Variants in TBXAS1 observed in about 807,000 individuals in gnomAD.
TBXAS1 encodes thromboxane A synthase 1, also known as thromboxane-A synthase.
In TBXAS1, 48 loss-of-function variants were observed where a neutral mutation model predicts 60.7. The ratio of observed to expected loss-of-function variants is 0.79; its 90% CI spans 0.63 to 1.01. TBXAS1 has a LOEUF of 1.01. Among genes scored for constraint, TBXAS1 ranks in the 50% least tolerant of loss-of-function variants. TBXAS1 has a pLI of 0.00. For synonymous variants in TBXAS1, 287 were observed against 269.7 expected (o/e 1.06, Z -0.63); for missense variants, 685 against 686.3 (o/e 1.00, Z 0.02).
chr7:139,827,487 A>T (rs1223303470), upstream of TBXAS1, among the ~76,000 whole-genome samples: 1 of 152,142 alleles, frequency 6.6e-6, no homozygotes, highest in Non-Finnish European at 1.5e-5. Context: ...GTGAGGTACC[A>T]TTGCATTCAT....
chr7:139,968,904 C>T (rs926451762), intron 9 of TBXAS1, among the ~76,000 whole-genome samples: 1 of 152,126 alleles, frequency 6.6e-6, no homozygotes, highest in Admixed American at 6.5e-5. Flanking sequence ...TTTAATGAGA[C>T]CTTTGTTATA....
At chr7:139,797,861 G>A (rs1797612778) in intron 4 of TBXAS1, among the ~76,000 whole-genome samples, 1 of 152,186 alleles carries the variant, frequency 6.6e-6, no homozygotes, top group Non-Finnish European at 1.5e-5. Context: ...TCTGGCCACA[G>A]CATTCATTTG....
At chr7:140,011,995 G>T (rs2116430598) in intron 10 of TBXAS1, among the ~76,000 whole-genome samples, 1 of 152,320 alleles carries the variant, frequency 6.6e-6, no homozygotes, top group Middle Eastern at 3.4e-3. Flanking sequence ...ATGTTCTCAT[G>T]TCCTGTGTTA....
intron 4 of TBXAS1, among the ~76,000 whole-genome samples, chr7:139,801,738 C>T (rs1797729769): frequency 6.6e-6 from 1 of 151,960 alleles, no homozygotes; most frequent in Non-Finnish European, 1.5e-5. Flanking sequence ...ACTGTGGTTG[C>T]TAAGTTTATT....
At position 139,841,327 on chromosome 7, in the gene TBXAS1, G is replaced by A. The variant is rs1799434284; in HGVS notation, c.89+11848G>A. Among the ~76,000 whole-genome samples the A allele has an allele frequency of 2.0e-5, 3 of 152,204 alleles. No individual in the cohort carries two copies. The South Asian group carries it at 6.2e-4, about 32-fold the overall frequency. ...GAGGAAAGAGAAAATTTCAGGTGGG[G>A]AAGTACCCCAGGCAAAGACAACATT... On this transcript the variant is annotated intron_variant, in intron 1 of 12. Coordinates refer to ENST00000448866, the MANE Select transcript of TBXAS1 (RefSeq NM_001061.7).
chr7:139,961,243 C>T (rs1409722134), intron 8 of TBXAS1, among the ~76,000 whole-genome samples: 1 of 152,186 alleles, frequency 6.6e-6, no homozygotes, highest in Non-Finnish European at 1.5e-5. Flanking sequence ...AACTAGTCCC[C>T]TCGCCTTGCC....
In TBXAS1 at chr7:139,954,744, A is replaced by G. The variant is rs914132719; in HGVS notation, c.540-715A>G. ...GGCCTTTTGAGGGGGCAGCTTTCCT[A>G]TAGCCTAAGAGGTTAAATTTTCTGG... On this transcript the variant is annotated intron_variant, in intron 6 of 12. Transcript: ENST00000448866. Among the ~76,000 whole-genome samples the G allele has an allele frequency of 3.3e-5, 5 of 152,214 alleles. No individual in the cohort carries two copies. In the East Asian group the frequency reaches 9.6e-4, roughly 29 times the overall value.
At chr7:140,009,323 G>T (rs1026589436) in intron 10 of TBXAS1, among the ~76,000 whole-genome samples, 1 of 152,182 alleles carries the variant, frequency 6.6e-6, no homozygotes. Context: ...CATACTGCGT[G>T]ATCGTGAGCC....
upstream of TBXAS1, among the ~76,000 whole-genome samples, chr7:139,825,577 T>C (rs1443814101): frequency 6.6e-6 from 1 of 152,184 alleles, no homozygotes; most frequent in East Asian, 1.9e-4. Context: ...CAACATTCTA[T>C]AGCCTCTCCA....
intron 4 of TBXAS1, among the ~76,000 whole-genome samples, chr7:139,802,040 A>G (rs987237931): frequency 2.0e-5 from 3 of 152,222 alleles, no homozygotes; most frequent in Non-Finnish European, 4.4e-5. Context: ...CTGGGATTAC[A>G]GGTGTGAGCC....
intron 9 of TBXAS1, among the ~76,000 whole-genome samples, chr7:139,974,053 T>A (rs1811398677): frequency 6.6e-6 from 1 of 152,176 alleles, no homozygotes; most frequent in Non-Finnish European, 1.5e-5. Context: ...TGCAATGGGC[T>A]TAGTCTCCAA....
intron 4 of TBXAS1, among the ~76,000 whole-genome samples, chr7:139,809,260 T>C (rs1297681848): frequency 8.9e-6 from 1 of 112,658 alleles, no homozygotes; most frequent in East Asian, 3.2e-4. Flanking sequence ...GATAGATAGA[T>C]AGATAGATAG....
intron 1 of TBXAS1, among the ~76,000 whole-genome samples, chr7:139,844,113 G>A (rs909322487): frequency 6.6e-6 from 1 of 152,186 alleles, no homozygotes; most frequent in Admixed American, 6.5e-5. Context: ...TGTAAAAGGA[G>A]GGGATGATGG....
intron 9 of TBXAS1, among the ~76,000 whole-genome samples, chr7:139,977,833 T>C (rs188055141): frequency 5.6e-4 from 85 of 152,362 alleles, no homozygotes; most frequent in African/African-American, 2.0e-3. Flanking sequence ...AGCGCCATAA[T>C]TATTCATAAT....
intron 1 of TBXAS1, among the ~76,000 whole-genome samples, chr7:139,830,003 G>C (rs58946576): frequency 0.065 from 9,901 of 152,154 alleles, 1,072 homozygotes; most frequent in African/African-American, 0.23. Flanking sequence ...TTGATAGAGG[G>C]AGATGGATTC....
chr7:139,950,692 TCCATCTACGGGACCCCCTCGCCC>T, intron 5 of TBXAS1, among the ~76,000 whole-genome samples: 2 of 147,036 alleles, frequency 1.4e-5, no homozygotes, highest in South Asian at 4.3e-4. Flanking sequence ...CCCCTCGCCC[TCCATCTACGGGACCCCCTCGCCC>T]TCCATCTACG....
At chr7:139,997,876 G>A (rs1813402612) in intron 9 of TBXAS1, among the ~76,000 whole-genome samples, 1 of 152,176 alleles carries the variant, frequency 6.6e-6, no homozygotes, top group Non-Finnish European at 1.5e-5. Context: ...ATGCCCAGAT[G>A]TACACCCAAC....
chr7:139,840,315 G>A (rs889632470), intron 1 of TBXAS1, among the ~76,000 whole-genome samples: 1 of 152,134 alleles, frequency 6.6e-6, no homozygotes. Context: ...TGGGAGGTGA[G>A]CTCCGGAAAA....
chr7:139,973,822 G>A (rs909236960), intron 9 of TBXAS1, among the ~76,000 whole-genome samples: 11 of 151,692 alleles, frequency 7.3e-5, no homozygotes, highest in East Asian at 1.9e-4. Context: ...TCTTTTGGTC[G>A]CACAAGTTGT....
Sources: allele counts gnomAD v4.1 joint callset (sites outside exome capture counted in the v4.1 genomes callset), GRCh38; gene constraint gnomAD v4.1.1; transcripts MANE v1.5; gene names NCBI Gene and HGNC (gene_info 2026-07-23, HGNC 2026-07-21).